CNGB3: variants seen among roughly 807,000 people sequenced by gnomAD.
The protein encoded by CNGB3 is cyclic nucleotide gated channel subunit beta 3.
A neutral mutation model predicts 92.8 loss-of-function variants in CNGB3; 86 were observed. The observed-to-expected ratio is 0.93, with a 90% CI of 0.78 to 1.11. The LOEUF is 1.11. Ranked by LOEUF, CNGB3 falls within the 50% of genes least tolerant of loss-of-function variation. The probability of loss-of-function intolerance (pLI) is 0.00; values close to 1 mark genes in which losing one functional copy is unlikely to be tolerated. For synonymous variants in CNGB3, 333 were observed against 332.7 expected (o/e 1.00, Z -0.01); for missense variants, 1,026 against 956.8 (o/e 1.07, Z -0.95).
intron 13 of CNGB3, among the ~76,000 whole-genome samples, chr8:86,612,680 A>G (rs1360952507): frequency 6.6e-6 from 1 of 152,216 alleles, no homozygotes; most frequent in Non-Finnish European, 1.5e-5. Flanking sequence ...GCAAGCTAAT[A>G]ATTTATGATT....
At chr8:86,699,104 T>C (rs912577144) in intron 3 of CNGB3, among the ~76,000 whole-genome samples, 1 of 152,172 alleles carries the variant, frequency 6.6e-6, no homozygotes, top group Non-Finnish European at 1.5e-5. Flanking sequence ...ATCATTAGAG[T>C]ACACCTTTAT....
chr8:86,696,775 C>A (rs930098920), intron 3 of CNGB3, among the ~76,000 whole-genome samples: 2 of 152,086 alleles, frequency 1.3e-5, no homozygotes, highest in Non-Finnish European at 2.9e-5. Flanking sequence ...CATGGCATAT[C>A]TTTTTCCATC....
chr8:86,588,966 C>T (rs1174310147), intron 15 of CNGB3, among the ~76,000 whole-genome samples: 2 of 152,076 alleles, frequency 1.3e-5, no homozygotes, highest in Non-Finnish European at 2.9e-5. Flanking sequence ...TCCATCTGGT[C>T]CTGGACTCTT....
chr8:86,624,496 C>T (rs1822805231), intron 13 of CNGB3, among the ~76,000 whole-genome samples: 1 of 152,176 alleles, frequency 6.6e-6, no homozygotes, highest in Non-Finnish European at 1.5e-5. Flanking sequence ...GCCTCAGCCT[C>T]CCTTTTTTTT....
chr8:86,705,439 A>G (rs1254650968), intron 3 of CNGB3, among the ~76,000 whole-genome samples: 1 of 152,042 alleles, frequency 6.6e-6, no homozygotes, highest in South Asian at 2.1e-4. Context: ...CCATGCTCCT[A>G]TTCCTAGAAC....
chr8:86,595,840 A>G (rs1023494603), intron 15 of CNGB3, among the ~76,000 whole-genome samples: 6 of 152,228 alleles, frequency 3.9e-5, no homozygotes, highest in African/African-American at 1.4e-4. Context: ...TTTAAAGGTT[A>G]AAAGGAGTTT....
At chr8:86,590,699 T>C (rs151271793) in intron 15 of CNGB3, among the ~76,000 whole-genome samples, 120,761 of 139,962 alleles carry the variant, frequency 0.86, 52,339 homozygotes, top group Non-Finnish European at 0.9. Context: ...GGGTTTCTGC[T>C]GAGAGATCCG....
At chr8:86,651,851 T>C (rs1202430021) in intron 7 of CNGB3, among the ~76,000 whole-genome samples, 1 of 151,994 alleles carries the variant, frequency 6.6e-6, no homozygotes, top group Non-Finnish European at 1.5e-5. Flanking sequence ...AACAAGCTAA[T>C]AGTGAATGAT....
chr8:86,629,536 T>G (rs1298305966), intron 11 of CNGB3, among the ~76,000 whole-genome samples: 1 of 152,202 alleles, frequency 6.6e-6, no homozygotes, highest in Non-Finnish European at 1.5e-5. Flanking sequence ...GCTAGTCCAT[T>G]TTGGTGAGTC....
chr8:86,648,048 G>A (rs977538495), intron 7 of CNGB3, among the ~76,000 whole-genome samples, 161 bp from the exon 8 acceptor site: 32 of 151,160 alleles, frequency 2.1e-4, no homozygotes, highest in African/African-American at 5.3e-4. Context: ...TTTTTAAGGC[G>A]TATTAGCACC....
intron 12 of CNGB3, among the ~76,000 whole-genome samples, chr8:86,627,432 T>G (rs1585978304): frequency 6.6e-6 from 1 of 151,656 alleles, no homozygotes; most frequent in South Asian, 2.1e-4. Context: ...GAGGCTGGAG[T>G]TTTAAGAGGC....
At chr8:86,610,309 T>C (rs781056411) in intron 14 of CNGB3, among the ~76,000 whole-genome samples, 3 of 152,148 alleles carry the variant, frequency 2.0e-5, no homozygotes, top group Non-Finnish European at 2.9e-5. Flanking sequence ...TATTGAGAAA[T>C]ATTTACTGAG....
At chr8:86,661,422 G>C in intron 6 of CNGB3, 1 of 471,178 alleles carries the variant, frequency 2.1e-6, no homozygotes, top group Non-Finnish European at 4.1e-6. Flanking sequence ...AATTCCAGCA[G>C]ACCTGTTTTA....
At chr8:86,600,603 CTTTTTTTTTTCTT>C (rs1210433054) in intron 15 of CNGB3, among the ~76,000 whole-genome samples, 4 of 144,650 alleles carry the variant, frequency 2.8e-5, no homozygotes, top group African/African-American at 1.0e-4. Flanking sequence ...ATTCTAGTTC[CTTTTTTTTTTCTT>C]TTTTTTTTTT....
intron 3 of CNGB3, among the ~76,000 whole-genome samples, chr8:86,722,643 C>A (rs1453125383): frequency 6.6e-6 from 1 of 152,100 alleles, no homozygotes; most frequent in Non-Finnish European, 1.5e-5. Context: ...GAATGGTTTC[C>A]CTAATGTGGG....
chr8:86,669,452 C>T (rs555136602), intron 4 of CNGB3, among the ~76,000 whole-genome samples: 1 of 152,256 alleles, frequency 6.6e-6, no homozygotes, highest in East Asian at 1.9e-4. Context: ...ATTTTAAATA[C>T]AAGCTTGATT....
intron 10 of CNGB3, among the ~76,000 whole-genome samples, chr8:86,637,528 T>C (rs901148707): frequency 5.9e-5 from 9 of 152,150 alleles, no homozygotes; most frequent in Middle Eastern, 3.2e-3. Flanking sequence ...TTGCATTGAA[T>C]TTATAGATCA....
chr8:86,727,249 C>A (rs144391361), intron 2 of CNGB3, among the ~76,000 whole-genome samples: 18 of 152,146 alleles, frequency 1.2e-4, no homozygotes, highest in African/African-American at 4.3e-4. Flanking sequence ...AGATATATTT[C>A]TTTTTGATAT....
intron 3 of CNGB3, among the ~76,000 whole-genome samples, chr8:86,720,245 A>G (rs771763152): frequency 6.6e-6 from 1 of 152,194 alleles, no homozygotes; most frequent in Non-Finnish European, 1.5e-5. Context: ...CACAATCTAT[A>G]TATCTGACAA....
Sources: gnomAD v4.1 joint callset for allele counts (sites outside exome capture counted in the v4.1 genomes callset) on GRCh38, gnomAD v4.1.1 for gene constraint, MANE v1.5 for transcripts, NCBI Gene and HGNC (gene_info 2026-07-23, HGNC 2026-07-21) for gene names.